Variants in MAF observed in about 807,000 individuals in gnomAD.
MAF encodes transcription factor Maf.
In MAF, 10 loss-of-function variants were observed where a neutral mutation model predicts 22.0. The observed-to-expected ratio is 0.45, with a 90% CI of 0.28 to 0.77. The LOEUF (loss-of-function observed/expected upper bound fraction) is 0.77, where lower values mean the gene tolerates loss of function less well. MAF is among the 30% of genes least tolerant of loss of function. The pLI, the probability that MAF is intolerant of heterozygous loss-of-function variation, is 0.12. For synonymous variants in MAF, 337 were observed against 255.8 expected, an observed-to-expected ratio of 1.32 and a Z score of -3.03; for missense variants, 544 against 548.4, an observed-to-expected ratio of 0.99 and a Z score of 0.08.
chr16:79,590,162 A>T (rs1005155313), downstream of MAF, among the ~76,000 whole-genome samples: 7 of 151,976 alleles, frequency 4.6e-5, no homozygotes, highest in Non-Finnish European at 7.4e-5. Context: ...GAACCCATGC[A>T]TAAAGGACTG....
At chr16:79,432,312 C>T in the MAF span, among the ~76,000 whole-genome samples, 1 of 152,088 alleles carries the variant, frequency 6.6e-6, no homozygotes, top group Non-Finnish European at 1.5e-5. Context: ...TCAATGAGAC[C>T]TCTTTATCAA....
At chr16:79,500,289 T>G in the MAF span, among the ~76,000 whole-genome samples, 1 of 152,166 alleles carries the variant, frequency 6.6e-6, no homozygotes, top group Non-Finnish European at 1.5e-5. Flanking sequence ...TGAACAATAA[T>G]CCCATCTGCC....
chr16:79,340,261 C>A, the MAF span, among the ~76,000 whole-genome samples: 2 of 151,968 alleles, frequency 1.3e-5, no homozygotes, highest in African/African-American at 4.8e-5. Context: ...CCTCTTCCTG[C>A]CTGCCTTCAA....
chr16:79,506,181 C>T, the MAF span, among the ~76,000 whole-genome samples: 1 of 152,140 alleles, frequency 6.6e-6, no homozygotes, highest in Non-Finnish European at 1.5e-5. Flanking sequence ...GTAAAATCAA[C>T]TGAATATTTA....
chr16:79,541,368 G>C, the MAF span, among the ~76,000 whole-genome samples: 1 of 151,974 alleles, frequency 6.6e-6, no homozygotes. Flanking sequence ...ATTTGTACCC[G>C]TAACCCAAAC....
At chr16:79,402,519 G>C in the MAF span, among the ~76,000 whole-genome samples, 42 of 152,346 alleles carry the variant, frequency 2.8e-4, no homozygotes, top group Non-Finnish European at 5.0e-4. Context: ...GGGCCAGTGG[G>C]TGTGACGGGG....
At chr16:79,273,500 C>T in the MAF span, among the ~76,000 whole-genome samples, 2 of 152,196 alleles carry the variant, frequency 1.3e-5, no homozygotes, top group Non-Finnish European at 2.9e-5. Context: ...AAATAGGTCT[C>T]ACTGGGCTAA....
chr16:79,467,937 C>G, the MAF span, among the ~76,000 whole-genome samples: 130,920 of 150,264 alleles, frequency 0.87, 57,092 homozygotes, highest in East Asian at 0.98. Flanking sequence ...GGGTGGTGGT[C>G]GTGGGGGGGT....
At chr16:79,494,836 C>T in the MAF span, among the ~76,000 whole-genome samples, 1 of 152,208 alleles carries the variant, frequency 6.6e-6, no homozygotes, top group African/African-American at 2.4e-5. Context: ...ATCTGACAAA[C>T]TGGCTATAAA....
the MAF span, among the ~76,000 whole-genome samples, chr16:79,335,712 A>T: frequency 6.6e-6 from 1 of 152,350 alleles, no homozygotes; most frequent in Admixed American, 6.5e-5. Context: ...AGCAGCCAGG[A>T]ACCTGCTGCT....
At chr16:79,318,821 T>TAA in the MAF span, among the ~76,000 whole-genome samples, 8 of 152,318 alleles carry the variant, frequency 5.3e-5, no homozygotes, top group Admixed American at 2.0e-4. Flanking sequence ...ACACAGCCTC[T>TAA]GCTGGAAGAC....
At chr16:79,493,616 G>C in the MAF span, among the ~76,000 whole-genome samples, 1 of 152,210 alleles carries the variant, frequency 6.6e-6, no homozygotes, top group Non-Finnish European at 1.5e-5. Flanking sequence ...CCCAGTCTCG[G>C]TTACATGGAA....
chr16:79,571,554 T>A, the MAF span, among the ~76,000 whole-genome samples: 370 of 139,880 alleles, frequency 2.6e-3, 6 homozygotes, highest in African/African-American at 8.3e-3. Context: ...TTTTTTTTTT[T>A]ACAAATGCAC....
the MAF span, among the ~76,000 whole-genome samples, chr16:79,323,371 G>C: frequency 6.6e-6 from 1 of 151,974 alleles, no homozygotes; most frequent in Admixed American, 6.6e-5. Context: ...AAAGGAGTAG[G>C]TTGGAATTAT....
chr16:79,474,962 A>T, the MAF span, among the ~76,000 whole-genome samples: 1 of 152,248 alleles, frequency 6.6e-6, no homozygotes, highest in Non-Finnish European at 1.5e-5. Context: ...CAGAGATCAA[A>T]GAACCTCCCA....
the MAF span, among the ~76,000 whole-genome samples, chr16:79,567,256 T>A: frequency 6.6e-6 from 1 of 152,044 alleles, no homozygotes; most frequent in South Asian, 2.1e-4. Flanking sequence ...AGACAGAGGT[T>A]GCAGTGAGCC....
the MAF span, among the ~76,000 whole-genome samples, chr16:79,389,168 A>G: frequency 1.3e-5 from 2 of 152,180 alleles, no homozygotes; most frequent in Admixed American, 6.5e-5. Flanking sequence ...AAAGCAGCCA[A>G]TGGTCAGACC....
At chr16:79,372,423 G>A in the MAF span, among the ~76,000 whole-genome samples, 1 of 152,156 alleles carries the variant, frequency 6.6e-6, no homozygotes, top group Non-Finnish European at 1.5e-5. Flanking sequence ...ATATATGTCT[G>A]CTCAGAGACC....
chr16:79,508,854 G>C, the MAF span, among the ~76,000 whole-genome samples: 3 of 152,184 alleles, frequency 2.0e-5, no homozygotes, highest in Non-Finnish European at 4.4e-5. Flanking sequence ...AGTTCCCAAG[G>C]CTCGGGGAGA....
Sources: gnomAD v4.1 joint callset for allele counts (sites outside exome capture counted in the v4.1 genomes callset) on GRCh38, gnomAD v4.1.1 for gene constraint, MANE v1.5 for transcripts, NCBI Gene and HGNC (gene_info 2026-07-23, HGNC 2026-07-21) for gene names.